The following LPP variants were observed in gnomAD, a reference collection of about 807,000 sequenced individuals.
LPP encodes LIM domain containing preferred translocation partner in lipoma, also known as lipoma-preferred partner.
LPP carries 38 observed loss-of-function variants against 60.4 expected under a neutral mutation model. The ratio of observed to expected loss-of-function variants is 0.63; its 90% confidence interval spans 0.49 to 0.83. LPP has a LOEUF of 0.83. Among genes scored for constraint, LPP ranks in the 40% least tolerant of loss-of-function variants. The pLI is 0.00. For missense variants in LPP, 902 were observed against 783.6 expected (o/e 1.15, Z -1.80); for synonymous variants, 328 against 290.8 (o/e 1.13, Z -1.30).
At chr3:188,640,455 A>C (rs891430153) in intron 7 of LPP, among the ~76,000 whole-genome samples, 9 of 150,628 alleles carry the variant, frequency 6.0e-5, no homozygotes, top group Admixed American at 5.9e-4. Context: ...CCAGCATGGC[A>C]CATGTATACG....
chr3:188,781,993 A>G (rs1260065515), intron 9 of LPP, among the ~76,000 whole-genome samples: 1 of 152,136 alleles, frequency 6.6e-6, no homozygotes, highest in Non-Finnish European at 1.5e-5. Flanking sequence ...ATTCAAGATG[A>G]GATTTGGGTG....
At chr3:188,626,131 G>A (rs572952884) in intron 7 of LPP, among the ~76,000 whole-genome samples, 3 of 152,020 alleles carry the variant, frequency 2.0e-5, no homozygotes, top group East Asian at 1.9e-4. Flanking sequence ...ATATTATTTC[G>A]GTAGGACTGC....
At position 188,671,527 on chromosome 3, in the gene LPP, A is replaced by G. The variant is rs559073883; in HGVS notation, c.1114-36740A>G. On this transcript the variant is annotated intron_variant, in intron 7 of 11. Coordinates refer to ENST00000617246, the MANE Select transcript of LPP (RefSeq NM_001375462.1). Reference sequence around the variant, plus strand: ...CCTCCCCCTTTCCCTTACTACATCAATAGGAAGATTACATCTTGACATGAT... The same window carrying G: ...CCTCCCCCTTTCCCTTACTACATCAGTAGGAAGATTACATCTTGACATGAT... 6.6e-5 allele frequency among the ~76,000 whole-genome samples: 10 copies of G among 152,286 alleles called. No individual in the cohort carries two copies. In the South Asian group the frequency reaches 1.9e-3, roughly 28 times the overall value.
rs375374359 is a variant in LPP at position 188,806,479 on chromosome 3, G to A, written c.1410+46197G>A. On this transcript the variant is annotated intron_variant, in intron 9 of 11. Transcript: ENST00000617246. ...AAGTAGCTTGCTTTTAGACAGATACGTCTTTCATTTTATCCAATTTGACCA... is the reference window on the plus strand; with the variant it reads ...AAGTAGCTTGCTTTTAGACAGATACATCTTTCATTTTATCCAATTTGACCA... Among the ~76,000 whole-genome samples, 8 of 151,810 alleles carry A rather than the reference G, an allele frequency of 5.3e-5. No homozygotes were observed. The East Asian group carries it at 5.8e-4, about 11-fold the overall frequency.
intron 2 of LPP, among the ~76,000 whole-genome samples, chr3:188,228,467 C>T (rs185026697): frequency 1.1e-3 from 161 of 152,196 alleles, no homozygotes; most frequent in South Asian, 2.7e-3. Context: ...AGCCAGACTA[C>T]GTGATTTAAT....
chr3:188,203,391 TTAA>T (rs1458994923), intron 1 of LPP, among the ~76,000 whole-genome samples: 2 of 84,438 alleles, frequency 2.4e-5, no homozygotes, highest in African/African-American at 4.5e-5. Flanking sequence ...TATTTATATA[TTAA>T]TATATATTTT....
Position 188,889,102 on chromosome 3 carries a change from G to T in LPP, c.*14623G>T, listed in dbSNP as rs528505938. On this transcript the variant is annotated 3_prime_UTR_variant, in exon 12 of 12. Transcript: ENST00000617246. ...TTTTGTCTCTCAGGCTAACATGAGA[G>T]AAAATAGAAAAGTCTTGGCTGTGGG... 1.3e-4 allele frequency: 30 copies of T among 226,646 alleles called. No homozygotes were observed. The highest frequency in any genetic ancestry group is 2.7e-3 in the Middle Eastern group (2 of 750). The allele number at this position is 226,646 out of a possible 1,614,324, so 14.0% of individuals were successfully genotyped here.
chr3:188,692,378 G>T (rs937795023), intron 7 of LPP, among the ~76,000 whole-genome samples: 2 of 152,198 alleles, frequency 1.3e-5, no homozygotes, highest in African/African-American at 4.8e-5. Context: ...ATTTACATTT[G>T]CATTTACTTG....
At chr3:188,399,031 A>T (rs1578608154) in intron 3 of LPP, among the ~76,000 whole-genome samples, 1 of 152,244 alleles carries the variant, frequency 6.6e-6, no homozygotes, top group Non-Finnish European at 1.5e-5. Flanking sequence ...GGCGTTGGCT[A>T]CTTGTAAAGT....
intron 5 of LPP, among the ~76,000 whole-genome samples, chr3:188,502,386 C>A (rs890561019): frequency 6.6e-6 from 1 of 151,932 alleles, no homozygotes; most frequent in Admixed American, 6.6e-5. Flanking sequence ...TGTCTTTTAG[C>A]CTTTTTTGAC....
chr3:188,413,343 T>A (rs1169110037), intron 4 of LPP, among the ~76,000 whole-genome samples: 1 of 151,980 alleles, frequency 6.6e-6, no homozygotes, highest in Non-Finnish European at 1.5e-5. Context: ...TTTTTGGAGG[T>A]TACAAATGGG....
intron 4 of LPP, among the ~76,000 whole-genome samples, chr3:188,426,467 T>C (rs1270069277): frequency 6.6e-6 from 1 of 152,204 alleles, no homozygotes; most frequent in Non-Finnish European, 1.5e-5. Flanking sequence ...GTCTATTAGG[T>C]CTGCTTGGTC....
At chr3:188,835,669 C>T (rs1758281529) in intron 9 of LPP, among the ~76,000 whole-genome samples, 1 of 152,076 alleles carries the variant, frequency 6.6e-6, no homozygotes, top group South Asian at 2.1e-4. Flanking sequence ...TAGGGCAAGA[C>T]TCATGTTAGG....
intron 7 of LPP, among the ~76,000 whole-genome samples, chr3:188,664,812 G>A (rs931347160): frequency 6.6e-6 from 1 of 152,174 alleles, no homozygotes; most frequent in Admixed American, 6.5e-5. Flanking sequence ...TATTACCAGG[G>A]ACTAAAATTA....
chr3:188,200,617 C>A (rs1730824720), intron 1 of LPP, among the ~76,000 whole-genome samples: 1 of 152,096 alleles, frequency 6.6e-6, no homozygotes, highest in African/African-American at 2.4e-5. Flanking sequence ...GTATTGCTTG[C>A]CAGTAGAAAT....
intron 7 of LPP, among the ~76,000 whole-genome samples, chr3:188,636,816 AGG>A (rs1848913845): frequency 6.6e-6 from 1 of 151,484 alleles, no homozygotes; most frequent in Admixed American, 6.6e-5. Context: ...CTCACACGGC[AGG>A]GTATTCCAAC....
Position 188,495,082 on chromosome 3 carries a change from A to ATATATATATATATATATATATTTTT in LPP, c.306+10379_306+10380insATATATATATATATATATATTTTTT, listed in dbSNP as rs1342207321. On this transcript the variant is annotated intron_variant, in intron 5 of 11. Transcript: ENST00000617246. ...CAGGATTTTATATATATATATATATATTTTATTTATATTTTATTATATATT... is the reference window on the plus strand; with the variant it reads ...CAGGATTTTATATATATATATATATATATATATATATATATATATATTTTTTTTTATTTATATTTTATTATATATT... Among the ~76,000 whole-genome samples, 4 of 97,242 alleles carry ATATATATATATATATATATATTTTT rather than the reference A, an allele frequency of 4.1e-5. No individual in the cohort carries two copies. In the South Asian group the frequency reaches 9.6e-4, roughly 23 times the overall value. The allele number at this position is 97,242 out of a possible 152,430, so 63.8% of individuals were successfully genotyped here. A position where few individuals can be genotyped will look rare whatever the true frequency, so the allele number is the denominator to read the frequency against.
At chr3:188,787,378 A>G (rs1742272886) in intron 9 of LPP, among the ~76,000 whole-genome samples, 1 of 152,158 alleles carries the variant, frequency 6.6e-6, no homozygotes, top group Non-Finnish European at 1.5e-5. Context: ...TAAATTTAAA[A>G]TCAAAATTAA....
intron 5 of LPP, among the ~76,000 whole-genome samples, chr3:188,492,415 C>A (rs1218174641): frequency 6.6e-6 from 1 of 152,032 alleles, no homozygotes; most frequent in African/African-American, 2.4e-5. Context: ...GTAATGTCAG[C>A]CGGGTGTGGT....
Sources: allele counts gnomAD v4.1 joint callset (sites outside exome capture counted in the v4.1 genomes callset), GRCh38; gene constraint gnomAD v4.1.1; transcripts MANE v1.5; gene names NCBI Gene and HGNC (gene_info 2026-07-23, HGNC 2026-07-21).